LINGO2: variants seen among roughly 807,000 people sequenced by gnomAD.
LINGO2 encodes leucine rich repeat and Ig domain containing 2, also known as leucine-rich repeat and immunoglobulin-like domain-containing nogo receptor-interacting protein 2.
Under a neutral mutation model 30.6 loss-of-function variants are expected in LINGO2, and 14 were observed. The observed-to-expected ratio is 0.46, with a 90% confidence interval of 0.30 to 0.72. LINGO2 has a LOEUF of 0.72. Among genes scored for constraint, LINGO2 ranks in the 30% least tolerant of loss-of-function variants. The pLI is 0.07. For missense variants in LINGO2, 729 were observed against 751.7 expected (o/e 0.97, Z 0.35); for synonymous variants, 317 against 288.5 (o/e 1.10, Z -1.00).
the LINGO2 span, among the ~76,000 whole-genome samples, chr9:29,035,849 A>G: frequency 5.3e-5 from 8 of 152,024 alleles, no homozygotes; most frequent in African/African-American, 1.9e-4. Context: ...AGGAAATGGA[A>G]ACACAGAGAC....
the LINGO2 span, among the ~76,000 whole-genome samples, chr9:29,159,137 AC>A: frequency 8.7e-3 from 1,320 of 152,258 alleles, 15 homozygotes; most frequent in African/African-American, 0.03. Context: ...ACTGATTCAT[AC>A]TGAAGATGGA....
chr9:28,303,446 T>TTA lies in LINGO2; in HGVS notation c.-245-8082_-245-8081dup, dbSNP rs574888432. Among the ~76,000 whole-genome samples, 424 of 152,128 alleles carry TTA rather than the reference T, an allele frequency of 2.8e-3. 2 individuals are homozygous for TTA. Among genetic ancestry groups the TTA allele is most frequent in the African/African-American group, 9.5e-3 (396 of 41,506 alleles). On this transcript the variant is annotated intron_variant, in intron 3 of 5. Coordinates refer to ENST00000379992, the Ensembl canonical transcript of LINGO2. ...GACACAAAGGTTTTTTAAACTGTAGTTATATATAAAATTGACCCCTGAACA... is the reference window on the plus strand; with the variant it reads ...GACACAAAGGTTTTTTAAACTGTAGTTATATATATAAAATTGACCCCTGAACA...
chr9:28,930,846 C>T, the LINGO2 span, among the ~76,000 whole-genome samples: 1 of 152,140 alleles, frequency 6.6e-6, no homozygotes, highest in Non-Finnish European at 1.5e-5. This position sits in a 1 kb window ranked among gnomAD's most constrained non-coding sequence, Gnocchi z 4.2. Context: ...ATGTACGGCA[C>T]ACAGAATCCT....
chr9:28,615,634 T>C (rs1219514861), intron 1 of LINGO2, among the ~76,000 whole-genome samples: 5 of 152,152 alleles, frequency 3.3e-5, no homozygotes, highest in African/African-American at 9.7e-5. Flanking sequence ...ATAAAATACA[T>C]ATGAATGGCA....
chr9:28,843,374 T>C, the LINGO2 span, among the ~76,000 whole-genome samples: 1 of 151,518 alleles, frequency 6.6e-6, no homozygotes, highest in Non-Finnish European at 1.5e-5. Context: ...TATTAAAAAT[T>C]ATTCAATTTC....
intron 1 of LINGO2, among the ~76,000 whole-genome samples, chr9:28,608,692 T>G (rs1490056669): frequency 6.6e-6 from 1 of 151,990 alleles, no homozygotes; most frequent in Non-Finnish European, 1.5e-5. Context: ...TCATTTGTTC[T>G]ACATTCCTTA....
At chr9:28,705,658 G>A in the LINGO2 span, among the ~76,000 whole-genome samples, 1 of 152,142 alleles carries the variant, frequency 6.6e-6, no homozygotes, top group African/African-American at 2.4e-5. Context: ...TGAAAGCCTG[G>A]TAGAGATTCT....
intron 1 of LINGO2, among the ~76,000 whole-genome samples, chr9:28,478,677 G>T (rs1053889559): frequency 3.9e-5 from 6 of 152,102 alleles, no homozygotes; most frequent in Non-Finnish European, 5.9e-5. Context: ...TTCCTCTTCA[G>T]ACAAATGCCA....
chr9:28,916,111 A>G, the LINGO2 span, among the ~76,000 whole-genome samples: 1 of 152,178 alleles, frequency 6.6e-6, no homozygotes, highest in East Asian at 1.9e-4. Flanking sequence ...TTTGGAATTC[A>G]GGCATGATTG....
At chr9:28,887,296 G>A in the LINGO2 span, among the ~76,000 whole-genome samples, 129,383 of 151,904 alleles carry the variant, frequency 0.85, 55,279 homozygotes, top group Non-Finnish European at 0.89. Flanking sequence ...TCTAGTTATT[G>A]AAAGTCAAGG....
chr9:28,972,431 CTA>C, the LINGO2 span, among the ~76,000 whole-genome samples: 1 of 152,200 alleles, frequency 6.6e-6, no homozygotes, highest in African/African-American at 2.4e-5. Flanking sequence ...ATTCAGAATT[CTA>C]TGAGCTAAAT....
chr9:28,342,624 T>C (rs914284202), intron 3 of LINGO2, among the ~76,000 whole-genome samples: 3 of 152,106 alleles, frequency 2.0e-5, no homozygotes, highest in Admixed American at 2.0e-4. Context: ...TTAGAGGTTT[T>C]TCCATCATGT....
At chr9:28,777,611 G>A in the LINGO2 span, among the ~76,000 whole-genome samples, 1 of 152,192 alleles carries the variant, frequency 6.6e-6, no homozygotes, top group South Asian at 2.1e-4. Flanking sequence ...GAGAGTTACA[G>A]GCAAAGGGTA....
chr9:29,179,652 G>A, the LINGO2 span, among the ~76,000 whole-genome samples: 38 of 152,186 alleles, frequency 2.5e-4, no homozygotes, highest in African/African-American at 7.2e-4. Flanking sequence ...TGATCCACCC[G>A]CCTCAGCTTC....
At chr9:29,153,288 A>AG in the LINGO2 span, among the ~76,000 whole-genome samples, 3 of 152,070 alleles carry the variant, frequency 2.0e-5, no homozygotes, top group Non-Finnish European at 4.4e-5. Flanking sequence ...TTGCTCATTT[A>AG]GCTAGGCCAT....
chr9:29,176,536 G>A, the LINGO2 span, among the ~76,000 whole-genome samples: 6 of 152,322 alleles, frequency 3.9e-5, no homozygotes, highest in African/African-American at 1.2e-4. Context: ...AATGTCCCAA[G>A]TGGGTAAGAA....
At chr9:28,562,769 C>T (rs1168047809) in intron 1 of LINGO2, among the ~76,000 whole-genome samples, 1 of 152,044 alleles carries the variant, frequency 6.6e-6, no homozygotes, top group Non-Finnish European at 1.5e-5. Context: ...ATAGCTTTTA[C>T]TGCATTTTAC....
the LINGO2 span, among the ~76,000 whole-genome samples, chr9:28,815,156 A>G: frequency 2.0e-5 from 3 of 152,228 alleles, no homozygotes; most frequent in Admixed American, 2.0e-4. Flanking sequence ...CCAAATAATA[A>G]TAGGTTGAGA....
At chr9:28,389,732 C>A (rs1821750180) in intron 2 of LINGO2, among the ~76,000 whole-genome samples, 1 of 152,170 alleles carries the variant, frequency 6.6e-6, no homozygotes, top group African/African-American at 2.4e-5. Context: ...ATAAATGCAT[C>A]CAGAACTTTG....
Sources: allele counts gnomAD v4.1 joint callset (sites outside exome capture counted in the v4.1 genomes callset), GRCh38; gene constraint gnomAD v4.1.1; non-coding constraint Gnocchi (gnomAD v3.1); transcripts MANE v1.5; gene names NCBI Gene and HGNC (gene_info 2026-07-23, HGNC 2026-07-21).